Variants in IPO11 observed in about 807,000 individuals in gnomAD.
IPO11 encodes the protein importin 11.
In IPO11, 66 loss-of-function variants were observed where a neutral mutation model predicts 143.2. The observed-to-expected ratio is 0.46, with a 90% CI of 0.38 to 0.57. The LOEUF is 0.57. IPO11 is among the 20% of genes least tolerant of loss of function. IPO11 has a pLI of 0.00. For synonymous variants in IPO11, 385 were observed against 377.8 expected, an observed-to-expected ratio of 1.02 and a Z score of -0.22; for missense variants, 1,026 against 1,141.0, an observed-to-expected ratio of 0.90 and a Z score of 1.45.
intron 28 of IPO11, among the ~76,000 whole-genome samples, chr5:62,595,300 A>G (rs1745175273): frequency 6.6e-6 from 1 of 152,178 alleles, no homozygotes; most frequent in African/African-American, 2.4e-5. Context: ...AATTTGAGAT[A>G]TATTTTGGAG....
At chr5:62,454,588 G>C (rs545623473) in intron 5 of IPO11, among the ~76,000 whole-genome samples, 8 of 152,290 alleles carry the variant, frequency 5.3e-5, no homozygotes, top group Non-Finnish European at 1.2e-4. Context: ...TAGCTTGTGT[G>C]AGTTAGCTTC....
At position 62,537,232 on chromosome 5, in the gene IPO11, G is replaced by A; in HGVS notation, c.2193G>A (p.Gln731=). Residue 731 remains glutamine, a synonymous_variant, in exon 24 of 30, where the codon CAG becomes CAA. Transcript: ENST00000325324. The part of the protein sequence containing the change: ...FLQTYAVGLC[Q]SFCELLKEIT... ...AGACATACGCAGTAGGTCTATGCCA[G>A]TCCTTTTGTGAACTTTTAAAGGAAA... 4 of 1,606,206 alleles carry A rather than the reference G, an allele frequency of 2.5e-6. No homozygotes were observed. The highest frequency in any genetic ancestry group is 3.4e-6 in the Non-Finnish European group (4 of 1,173,924).
chr5:62,609,032 G>A (rs1195775027), intron 29 of IPO11, among the ~76,000 whole-genome samples: 1 of 152,194 alleles, frequency 6.6e-6, no homozygotes, highest in East Asian at 1.9e-4. Flanking sequence ...TATTCAGAAA[G>A]TCAGCAGAGT....
At chr5:62,534,718 G>A (rs552148172) in intron 22 of IPO11, among the ~76,000 whole-genome samples, 4 of 152,202 alleles carry the variant, frequency 2.6e-5, no homozygotes, top group African/African-American at 9.6e-5. Flanking sequence ...TGCATTGAAG[G>A]ATGTTTAAAA....
chr5:62,578,696 T>G (rs1480943275), intron 27 of IPO11: 2 of 468,790 alleles, frequency 4.3e-6, no homozygotes, highest in African/African-American at 2.0e-5. Flanking sequence ...TTACTTCCTG[T>G]CTCTTAGCTT....
intron 29 of IPO11, among the ~76,000 whole-genome samples, chr5:62,605,389 G>T (rs1056519134): frequency 1.4e-4 from 21 of 152,140 alleles, no homozygotes; most frequent in Non-Finnish European, 2.8e-4. Flanking sequence ...ACTCAGGAAA[G>T]CTATTAAGCT....
intron 28 of IPO11, among the ~76,000 whole-genome samples, chr5:62,599,439 G>A (rs1343290608): frequency 6.6e-6 from 1 of 152,188 alleles, no homozygotes; most frequent in East Asian, 1.9e-4. Context: ...CTGTTTATCA[G>A]CGCTCAATGA....
chr5:62,623,188 A>G (rs148773355), intron 29 of IPO11, among the ~76,000 whole-genome samples: 69 of 152,328 alleles, frequency 4.5e-4, no homozygotes, highest in African/African-American at 1.6e-3. Flanking sequence ...TTAATTAAGG[A>G]ATTTTTGAAG....
At chr5:62,513,926 G>T (rs1297412175) in intron 19 of IPO11, among the ~76,000 whole-genome samples, 6 of 151,294 alleles carry the variant, frequency 4.0e-5, no homozygotes, top group Non-Finnish European at 5.9e-5. Flanking sequence ...GTCGCGGCCG[G>T]GCCGAGGCGC....
chr5:62,496,198 G>A (rs552046453), intron 16 of IPO11, among the ~76,000 whole-genome samples: 1 of 151,648 alleles, frequency 6.6e-6, no homozygotes, highest in East Asian at 2.0e-4. Context: ...CGAGGCAGGA[G>A]AATCGCTTGA....
At position 62,421,372 on chromosome 5, in the gene IPO11, G is replaced by GTA. The variant is rs201303508; in HGVS notation, c.-7+8446_-7+8447dup. Among the ~76,000 whole-genome samples the GTA allele has an allele frequency of 4.6e-5, 7 of 152,276 alleles. No homozygotes were observed. In the East Asian group the frequency reaches 1.4e-3, roughly 29 times the overall value. ...AATTTCAGTCTTCAGTTCTGATGTA[G>GTA]TATAATTCATTAGGCAGATAGGCTG... On this transcript the variant is annotated intron_variant, in intron 1 of 29. Coordinates refer to ENST00000325324, the MANE Select transcript of IPO11 (RefSeq NM_016338.5).
At chr5:62,590,396 T>C (rs1744964879) in intron 27 of IPO11, among the ~76,000 whole-genome samples, 1 of 152,212 alleles carries the variant, frequency 6.6e-6, no homozygotes, top group Non-Finnish European at 1.5e-5. Flanking sequence ...TATTTGGTTG[T>C]GGGTTTTAGT....
intron 11 of IPO11, among the ~76,000 whole-genome samples, 179 bp from the exon 12 acceptor site, chr5:62,485,240 A>G (rs905212857): frequency 1.3e-5 from 2 of 152,210 alleles, no homozygotes; most frequent in Admixed American, 1.3e-4. Flanking sequence ...ACTGTGAGAT[A>G]CACAACTGTG....
chr5:62,478,570 T>C (rs909910281), intron 9 of IPO11, among the ~76,000 whole-genome samples: 3 of 152,222 alleles, frequency 2.0e-5, no homozygotes, highest in African/African-American at 7.2e-5. Context: ...TAGATTTCTC[T>C]GATTGTGTCA....
At chr5:62,554,274 A>G (rs1455871020) in intron 26 of IPO11, among the ~76,000 whole-genome samples, 2 of 152,076 alleles carry the variant, frequency 1.3e-5, no homozygotes, top group Non-Finnish European at 2.9e-5. Context: ...GAAGCTTTTT[A>G]GTTTGATAGA....
chr5:62,550,700 G>A (rs563095737), intron 25 of IPO11, among the ~76,000 whole-genome samples: 11 of 152,228 alleles, frequency 7.2e-5, no homozygotes, highest in African/African-American at 2.6e-4. Context: ...ATCATTTGAA[G>A]TACAGGAATG....
intron 1 of IPO11, among the ~76,000 whole-genome samples, chr5:62,432,784 T>C (rs923742402): frequency 2.0e-5 from 3 of 152,214 alleles, no homozygotes; most frequent in Admixed American, 1.3e-4. Flanking sequence ...ATTAGATTAA[T>C]GTTGACCGTT....
At chr5:62,604,822 G>A (rs960740907) in intron 29 of IPO11, among the ~76,000 whole-genome samples, 1 of 152,122 alleles carries the variant, frequency 6.6e-6, no homozygotes, top group African/African-American at 2.4e-5. Flanking sequence ...CTGAAGCTGG[G>A]ATTGTGTATT....
chr5:62,502,815 T>C (rs1339859364), intron 16 of IPO11, among the ~76,000 whole-genome samples: 1 of 151,906 alleles, frequency 6.6e-6, no homozygotes, highest in Non-Finnish European at 1.5e-5. Flanking sequence ...TTCCTTTCCT[T>C]TTTCCTTTTT....
Sources: gnomAD v4.1 joint callset for allele counts (sites outside exome capture counted in the v4.1 genomes callset) on GRCh38, gnomAD v4.1.1 for gene constraint, MANE v1.5 for transcripts, NCBI Gene and HGNC (gene_info 2026-07-23, HGNC 2026-07-21) for gene names.